Variants in PKN2 observed in about 807,000 individuals in gnomAD.
PKN2 encodes serine/threonine-protein kinase N2.
A neutral mutation model predicts 119.1 loss-of-function variants in PKN2; 38 were observed. That is an observed-to-expected ratio of 0.32 (90% CI 0.25 to 0.42). PKN2 has a LOEUF of 0.42. PKN2 is among the 10% of genes least tolerant of loss of function. PKN2 has a pLI of 1.00. For missense variants in PKN2, 850 were observed against 1,165.1 expected (o/e 0.73, Z 3.94); for synonymous variants, 390 against 384.9 (o/e 1.01, Z -0.15).
At position 88,724,666 on chromosome 1, in the gene PKN2, G is replaced by A. The variant is rs532628525; in HGVS notation, c.49-16322G>A. Among the ~76,000 whole-genome samples, 6 of 149,644 alleles carry A rather than the reference G, an allele frequency of 4.0e-5. No individual in the cohort carries two copies. In the East Asian group the frequency reaches 1.2e-3, roughly 29 times the overall value. The stretch of plus-strand genomic sequence containing the variant: ...TGCTCCCTGCAACCTCTGCCTCCCA[G>A]GTTCAAGCAATTCTCCTGCCCCAGC... On this transcript the variant is annotated intron_variant, in intron 1 of 21. Coordinates refer to ENST00000370521, the MANE Select transcript of PKN2 (RefSeq NM_006256.4).
At chr1:88,763,655 T>A (rs1165091811) in intron 3 of PKN2, among the ~76,000 whole-genome samples, 1 of 151,706 alleles carries the variant, frequency 6.6e-6, no homozygotes, top group Non-Finnish European at 1.5e-5. Flanking sequence ...TCCTCAGACT[T>A]AAAGAATTAA....
intron 19 of PKN2, among the ~76,000 whole-genome samples, chr1:88,829,750 A>G (rs1299964055): frequency 4.6e-5 from 7 of 152,200 alleles, no homozygotes; most frequent in African/African-American, 1.7e-4. Flanking sequence ...TTGGTTCATT[A>G]TTCTGCAGTT....
intron 1 of PKN2, among the ~76,000 whole-genome samples, chr1:88,704,210 A>G (rs1052266305): frequency 9.9e-5 from 15 of 152,170 alleles, no homozygotes; most frequent in Middle Eastern, 3.4e-3. Flanking sequence ...CCTTTTGTGG[A>G]GTTTTTATAC....
At chr1:88,728,828 T>A (rs1295881260) in intron 1 of PKN2, among the ~76,000 whole-genome samples, 3 of 151,968 alleles carry the variant, frequency 2.0e-5, no homozygotes, top group African/African-American at 7.3e-5. Context: ...TAGCTTAATA[T>A]AGATCATGTC....
chr1:88,716,341 A>T (rs1427062322), intron 1 of PKN2, among the ~76,000 whole-genome samples: 1 of 152,162 alleles, frequency 6.6e-6, no homozygotes, highest in South Asian at 2.1e-4. Flanking sequence ...CAAGTCCTGG[A>T]TATCCTTGTT....
At chr1:88,829,177 A>T in intron 19 of PKN2, 1 of 738,986 alleles carries the variant, frequency 1.4e-6, no homozygotes, top group Non-Finnish European at 2.6e-6. Flanking sequence ...ATATCATCCG[A>T]TGGCCATGAA....
chr1:88,824,024 A>AAC (rs1672401423), intron 17 of PKN2, among the ~76,000 whole-genome samples: 1 of 150,876 alleles, frequency 6.6e-6, no homozygotes, highest in Non-Finnish European at 1.5e-5. Context: ...AAAAAAAAAA[A>AAC]AGGATTAAAT....
Position 88,684,467 on chromosome 1 carries a change from G to T in PKN2, c.-114G>T, listed in dbSNP as rs866286524. 11 of 655,258 alleles carry T rather than the reference G, an allele frequency of 1.7e-5. No individual in the cohort carries two copies. The highest frequency in any genetic ancestry group is 3.6e-4 in the Middle Eastern group (1 of 2,772). The allele number at this position is 655,258 out of a possible 1,614,324, so 40.6% of individuals were successfully genotyped here. On this transcript the variant is annotated 5_prime_UTR_variant, in exon 1 of 22. Transcript: ENST00000370521. Reference sequence around the variant, plus strand: ...GCTGCGCCTCCATGAATCCCTAGTTGTTTTTTTTTTTTTCTTTCTCTCCCC... The same window carrying T: ...GCTGCGCCTCCATGAATCCCTAGTTTTTTTTTTTTTTTTCTTTCTCTCCCC...
At chr1:88,714,821 T>C (rs1031241231) in intron 1 of PKN2, among the ~76,000 whole-genome samples, 4 of 151,948 alleles carry the variant, frequency 2.6e-5, no homozygotes, top group Non-Finnish European at 5.9e-5. Context: ...TGAACAGGAG[T>C]GGTGAGAGAG....
At chr1:88,792,830 G>T (rs1164151392) in intron 8 of PKN2, among the ~76,000 whole-genome samples, 1 of 152,130 alleles carries the variant, frequency 6.6e-6, no homozygotes, top group Non-Finnish European at 1.5e-5. Flanking sequence ...GTAATGTCAT[G>T]ATTTTTCTCC....
chr1:88,813,124 A>G (rs887417050), intron 15 of PKN2, among the ~76,000 whole-genome samples: 8 of 152,186 alleles, frequency 5.3e-5, no homozygotes, highest in African/African-American at 1.9e-4. Flanking sequence ...ATTTTATATG[A>G]TAAAAAATTG....
intron 8 of PKN2, among the ~76,000 whole-genome samples, chr1:88,793,399 C>T (rs1241367942): frequency 6.6e-6 from 1 of 151,990 alleles, no homozygotes; most frequent in Non-Finnish European, 1.5e-5. Flanking sequence ...AAAAAAGATT[C>T]CAGTATATTT....
chr1:88,818,609 C>G (rs1672113075), intron 16 of PKN2, among the ~76,000 whole-genome samples: 1 of 149,426 alleles, frequency 6.7e-6, no homozygotes, highest in Non-Finnish European at 1.5e-5. Context: ...GACTGTGCCA[C>G]TGCACTCCAG....
intron 2 of PKN2, among the ~76,000 whole-genome samples, chr1:88,744,736 A>T (rs1282138765): frequency 6.6e-6 from 1 of 152,222 alleles, no homozygotes; most frequent in African/African-American, 2.4e-5. Flanking sequence ...CTTGTTCTTA[A>T]TTCACCTCTG....
At chr1:88,803,972 C>G (rs752160774) in intron 8 of PKN2, among the ~76,000 whole-genome samples, 1 of 151,974 alleles carries the variant, frequency 6.6e-6, no homozygotes, top group Non-Finnish European at 1.5e-5. Context: ...AGCAATGAGA[C>G]AAATAAATAC....
chr1:88,777,247 G>A (rs978063987), intron 6 of PKN2, among the ~76,000 whole-genome samples: 2 of 151,916 alleles, frequency 1.3e-5, no homozygotes, highest in East Asian at 1.9e-4. Flanking sequence ...TTTCTGTTTG[G>A]TTCTTTTTTA....
At chr1:88,692,372 A>G (rs925673756) in intron 1 of PKN2, among the ~76,000 whole-genome samples, 1 of 152,108 alleles carries the variant, frequency 6.6e-6, no homozygotes, top group Admixed American at 6.5e-5. Flanking sequence ...CACAGTTCCT[A>G]TTATATACCT....
At chr1:88,832,960 T>G in intron 20 of PKN2, 109 bp downstream of exon 20, 1 of 1,235,484 alleles carries the variant, frequency 8.1e-7, no homozygotes, top group Non-Finnish European at 1.1e-6. Flanking sequence ...TCATAAATGT[T>G]GCATGGCTTA....
At chr1:88,814,457 G>C (rs1454616518) in intron 16 of PKN2, among the ~76,000 whole-genome samples, 1 of 152,126 alleles carries the variant, frequency 6.6e-6, no homozygotes, top group African/African-American at 2.4e-5. Flanking sequence ...CCTACACCCT[G>C]CATGCTGGTG....
Sources: gnomAD v4.1 joint callset for allele counts (sites outside exome capture counted in the v4.1 genomes callset) on GRCh38, gnomAD v4.1.1 for gene constraint, MANE v1.5 for transcripts, NCBI Gene and HGNC (gene_info 2026-07-23, HGNC 2026-07-21) for gene names.